Variants in GZMB observed in about 807,000 individuals in gnomAD.
The protein encoded by GZMB is granzyme B.
In GZMB, 27 loss-of-function variants were observed where a neutral mutation model predicts 24.2. That is an observed-to-expected ratio of 1.12 (90% CI 0.82 to 1.54). The LOEUF (loss-of-function observed/expected upper bound fraction) is 1.54. GZMB is among the 40% of genes most tolerant of loss of function. The pLI, the probability that GZMB is intolerant of heterozygous loss-of-function variation, is 0.00. For synonymous variants in GZMB, 121 were observed against 115.1 expected (o/e 1.05, Z -0.33); for missense variants, 336 against 310.1 (o/e 1.08, Z -0.63).
rs377448459 is a variant in GZMB at position 24,632,307 on chromosome 14, G to T, written c.339+17C>A. The T allele has an allele frequency of 6.8e-5, 109 of 1,599,244 alleles. 1 individual carries two copies. The Middle Eastern group carries it at 2.3e-3, about 33-fold the overall frequency. On this transcript the variant is annotated intron_variant, in intron 3 of 4. Transcript: ENST00000216341. ...AACTGGACCAAGAAGAGCAAGAGTG[G>T]CAGGAGTGTGCCTCACCTGCAGTAG...
intron 1 of GZMB, chr14:24,633,275 A>AG (rs1026556618): frequency 1.0e-6 from 1 of 984,842 alleles, no homozygotes; most frequent in African/African-American, 1.7e-5. Flanking sequence ...GTTGAAGGCG[A>AG]GCATACCTGT....
intron 1 of GZMB, 65 bp downstream of exon 1, chr14:24,634,041 G>T: frequency 7.4e-7 from 1 of 1,345,334 alleles, no homozygotes. Flanking sequence ...GATCAGGAAT[G>T]TGGAGAAAGG....
intron 4 of GZMB, 95 bp from the exon 5 acceptor site, chr14:24,631,309 C>T (rs781278885): frequency 9.2e-7 from 1 of 1,091,174 alleles, no homozygotes; most frequent in Admixed American, 2.2e-5. Context: ...CCAACTTGCA[C>T]AGCCTACATG....
chr14:24,632,875 A>T, intron 2 of GZMB, 40 bp downstream of exon 2: 2 of 1,586,628 alleles, frequency 1.3e-6, no homozygotes, highest in African/African-American at 1.3e-5. Context: ...GTCTCTGTGG[A>T]GTGTTTCCAG....
In GZMB at chr14:24,631,835, T is replaced by A. The variant is rs563098712; in HGVS notation, c.600+23A>T. On this transcript the variant is annotated intron_variant, in intron 4 of 4. Transcript: ENST00000216341. ...CAAACATCTTTCTCCCAAGAGCCAA[T>A]CCAGGCAGGTGCATAGTCTTACCTT... 5.6e-5 allele frequency: 90 copies of A among 1,609,476 alleles called. 2 individuals carry two copies. In the South Asian group the frequency reaches 9.5e-4, roughly 17 times the overall value.
rs201230370 is a variant in GZMB at position 24,632,490 on chromosome 14, G to A, written c.204-31C>T. 616 of 1,613,656 alleles carry A rather than the reference G, an allele frequency of 3.8e-4. 3 individuals carry two copies. Among genetic ancestry groups the A allele is most frequent in the Admixed American group, 4.5e-4 (27 of 59,984 alleles). On this transcript the variant is annotated intron_variant, in intron 2 of 4. Transcript: ENST00000216341. Reference sequence around the variant, plus strand: ...CAGAGAGCAGAGTGAGGATGGGGGTGGAGTCACAGGGTATACAGCCCAGAG... The same window carrying A: ...CAGAGAGCAGAGTGAGGATGGGGGTAGAGTCACAGGGTATACAGCCCAGAG...
Position 24,631,133 on chromosome 14 carries a change from G to T in GZMB, c.682C>A (p.Arg228=), listed in dbSNP as rs756531107. ...SYGRNNGMPP[R]ACTKVSSFVH... Reference sequence around the variant, plus strand: ...AAGCTTGAGACTTTGGTGCAGGCTCGTGGAGGCATGCCATTGTTTCGTCCA... The same window carrying T: ...AAGCTTGAGACTTTGGTGCAGGCTCTTGGAGGCATGCCATTGTTTCGTCCA... The change falls in exon 5 of 5, where the codon CGA becomes AGA. Residue 228 remains arginine, a synonymous_variant. Transcript: ENST00000216341. 3 of 1,611,960 alleles carry T rather than the reference G, an allele frequency of 1.9e-6. No individual in the cohort carries two copies. The highest frequency in any genetic ancestry group is 1.7e-6 in the Non-Finnish European group (2 of 1,178,182).
In GZMB at chr14:24,631,183, T is replaced by C. The variant is rs1594826976; in HGVS notation, c.632A>G (p.Lys211Arg). 1.2e-6 allele frequency: 2 copies of C among 1,613,606 alleles called. No homozygotes were observed. Among genetic ancestry groups the C allele is most frequent in the South Asian group, 2.2e-5 (2 of 91,064 alleles). ...GDSGGPLVCN[K>R]VAQGIVSYGR... ...ATAGGAGACAATGCCCTGGGCCACCTTGTTACACACAAGAGGGCCTCCAGA... is the reference window on the plus strand; with the variant it reads ...ATAGGAGACAATGCCCTGGGCCACCCTGTTACACACAAGAGGGCCTCCAGA... Residue 211 changes from lysine (K) to arginine (R), a missense_variant, in exon 5 of 5, where the codon AAG becomes AGG. Physicochemically the swap from Lys to Arg is conservative, Grantham distance 26 (BLOSUM62 2). Transcript: ENST00000216341.
chr14:24,634,081 C>T (rs1243988660), intron 1 of GZMB, 25 bp downstream of exon 1: 6 of 1,579,026 alleles, frequency 3.8e-6, no homozygotes, highest in Non-Finnish European at 5.2e-6. Context: ...GGGTTGGGCC[C>T]CCGAGGGTGG....
intron 2 of GZMB, 88 bp downstream of exon 2, chr14:24,632,827 C>T: frequency 7.4e-7 from 1 of 1,347,938 alleles, no homozygotes; most frequent in Non-Finnish European, 1.1e-6. Context: ...CATGTGTGTT[C>T]ACAGGAGCCC....
In GZMB at chr14:24,631,071, TTAG is replaced by T; in HGVS notation, c.741_743del (p.Tyr247del). 6.2e-7 allele frequency: 1 copy of T among 1,612,362 alleles called. No homozygotes were observed. The highest frequency in any genetic ancestry group is 8.5e-7 in the Non-Finnish European group (1 of 1,178,464). On this transcript the variant is annotated inframe_deletion, in exon 5 of 5. Coordinates refer to ENST00000216341, the MANE Select transcript of GZMB (RefSeq NM_004131.6). ...CGGGGGCTTAGTTTGCTTCCTGTAG[TTAG>T]TAGCGTTTCATGGTTTTCTTTATCC...
intron 4 of GZMB, chr14:24,631,420 C>T (rs1346885502): frequency 2.3e-5 from 13 of 576,284 alleles, no homozygotes; most frequent in East Asian, 1.1e-4. Context: ...GGCCAGCCTC[C>T]GTCATGTCCC....
Position 24,632,994 on chromosome 14 carries a change from C to T in GZMB, c.124G>A (p.Asp42Asn). ...RPYMAYLMIW[D>N]QKSLKRCGGF... ...CCGCACCTCTTCAGAGACTTCTGATCCCAGATCATAAGATAAGCCATGTAG... is the reference window on the plus strand; with the variant it reads ...CCGCACCTCTTCAGAGACTTCTGATTCCAGATCATAAGATAAGCCATGTAG... Residue 42 changes from aspartate (D) to asparagine (N), a missense_variant, in exon 2 of 5, where the codon GAT (aspartate) becomes AAT (asparagine). Asp to Asn is a conservative substitution (Grantham distance 23). Transcript: ENST00000216341. The T allele has an allele frequency of 6.2e-7, 1 of 1,613,980 alleles. No individual in the cohort carries two copies. Among genetic ancestry groups the T allele is most frequent in the Non-Finnish European group, 8.5e-7 (1 of 1,179,930 alleles).
chr14:24,633,307 G>C (rs1300201619), intron 1 of GZMB: 1 of 985,148 alleles, frequency 1.0e-6, no homozygotes, highest in Non-Finnish European at 1.2e-6. Context: ...TGAAATCCCA[G>C]AGGCTCCTGA....
intron 2 of GZMB, 156 bp from the exon 3 acceptor site, chr14:24,632,615 G>A: frequency 8.2e-7 from 1 of 1,215,668 alleles, no homozygotes; most frequent in Non-Finnish European, 1.2e-6. Flanking sequence ...ATTGCACCAG[G>A]TTTCTCAGGG....
chr14:24,631,985 TGTGA>T lies in GZMB; in HGVS notation c.469_472del (p.Ser157ThrfsTer6), dbSNP rs1390259715. 5.0e-6 allele frequency: 8 copies of T among 1,614,084 alleles called. No homozygotes were observed. The highest frequency in any genetic ancestry group is 2.7e-5 in the African/African-American group (2 of 74,936). ...TGTCATCTTCACCTCTTGTAGTGTG[TGTGA>T]GTGTTTTCCCAGGGGGGCCGTCTGC... On this transcript the variant is annotated frameshift_variant, in exon 4 of 5. Coordinates refer to ENST00000216341, the MANE Select transcript of GZMB (RefSeq NM_004131.6). LOFTEE classifies it high-confidence loss of function.
chr14:24,632,881 T>C, intron 2 of GZMB, 34 bp downstream of exon 2: 1 of 1,599,848 alleles, frequency 6.3e-7, no homozygotes, highest in Non-Finnish European at 8.5e-7. Flanking sequence ...GTGGAGTGTT[T>C]CCAGGAGGGT....
At chr14:24,633,167 T>C in intron 1 of GZMB, 105 bp from the exon 2 acceptor site, 1 of 1,489,290 alleles carries the variant, frequency 6.7e-7, no homozygotes, top group South Asian at 1.5e-5. Context: ...TGGGATAGCC[T>C]GGAGTTGGGA....
chr14:24,631,186 T>C lies in GZMB; in HGVS notation c.629A>G (p.Asn210Ser), dbSNP rs532800714. The change falls in exon 5 of 5, where the codon AAC (asparagine) becomes AGC (serine). Residue 210 changes from asparagine to serine, a missense_variant. Transcript: ENST00000216341. ...GGAGACAATGCCCTGGGCCACCTTG[T>C]TACACACAAGAGGGCCTCCAGAGTC... is the stretch of plus-strand genomic sequence containing the variant. ...KGDSGGPLVC[N>S]KVAQGIVSYG... 12 of 1,613,626 alleles carry C rather than the reference T, an allele frequency of 7.4e-6. No individual in the cohort carries two copies. The East Asian group carries it at 2.5e-4, about 33-fold the overall frequency.
Sources: allele counts gnomAD v4.1 joint callset, GRCh38; gene constraint gnomAD v4.1.1; transcripts MANE v1.5; gene names NCBI Gene and HGNC (gene_info 2026-07-23, HGNC 2026-07-21).